The following MYO15B variants were observed in gnomAD, a reference collection of about 807,000 sequenced individuals.
The protein encoded by MYO15B is myosin XVB, also known as myosin XVB pseudogene.
Under a neutral mutation model 119.3 loss-of-function variants are expected in MYO15B, and 207 were observed. The ratio of observed to expected loss-of-function variants is 1.73; its 90% confidence interval spans 1.55 to 1.95. The LOEUF (loss-of-function observed/expected upper bound fraction) is 1.95, where lower values mean the gene tolerates loss of function less well. MYO15B is among the 30% of genes most tolerant of loss of function. The probability of loss-of-function intolerance (pLI) is 0.00; values close to 1 mark genes in which losing one functional copy is unlikely to be tolerated. For synonymous variants in MYO15B, 966 were observed against 498.9 expected (o/e 1.94, Z -12.48); for missense variants, 2,264 against 1,203.1 (o/e 1.88, Z -13.04).
At chr17:75,617,830 G>T (rs750184841) in exon 42 of MYO15B, 2 of 702,832 alleles carry the variant, frequency 2.8e-6, no homozygotes, top group Admixed American at 2.0e-5. Context: ...GCCCGTGGAG[G>T]ACCAGGGGGT....
intron 19 of MYO15B, among the ~76,000 whole-genome samples, chr17:75,605,026 A>G (rs374307496): frequency 6.6e-6 from 1 of 152,032 alleles, no homozygotes; most frequent in East Asian, 1.9e-4. Context: ...AATCCCAGCT[A>G]CTCGGGAGGC....
Position 75,613,719 on chromosome 17 carries a change from G to T in MYO15B, c.5161G>T (p.Ala1721Ser), listed in dbSNP as rs1302318425. ...TGCCCCTGCAGAGGAGTGCTACTCGGCCGAGGTGGAGTCTTGGACCACCGG... is the reference window on the plus strand; with the variant it reads ...TGCCCCTGCAGAGGAGTGCTACTCGTCCGAGGTGGAGTCTTGGACCACCGG... Residue 1721 changes from alanine (A) to serine (S), a missense_variant, in exon 29 of 64, where the codon GCC (alanine) becomes TCC (serine). Physicochemically the swap from Ala to Ser is moderately conservative, Grantham distance 99 (BLOSUM62 1). Coordinates refer to ENST00000645453, the Ensembl canonical transcript of MYO15B. 5 of 702,316 alleles carry T rather than the reference G, an allele frequency of 7.1e-6. No individual in the cohort carries two copies. In the African/African-American group the frequency reaches 8.7e-5, roughly 12 times the overall value. The allele number at this position is 702,316 out of a possible 1,614,324, so 43.5% of individuals were successfully genotyped here. A position where few individuals can be genotyped will look rare whatever the true frequency, so the allele number is the denominator to read the frequency against.
chr17:75,602,837 G>T, exon 17 of MYO15B: 1 of 627,962 alleles, frequency 1.6e-6, no homozygotes, highest in South Asian at 1.8e-5. Flanking sequence ...CAGCTGGTGG[G>T]CAGCCTGTTC....
chr17:75,618,615 C>T (rs1336326131), intron 43 of MYO15B, among the ~76,000 whole-genome samples: 1 of 152,236 alleles, frequency 6.6e-6, no homozygotes, highest in Non-Finnish European at 1.5e-5. Context: ...TGCCACTGCA[C>T]TCCCGCCTGG....
intron 53 of MYO15B, 42 bp from the exon 54 acceptor site, chr17:75,623,739 C>G (rs574093568): frequency 2.8e-6 from 2 of 701,794 alleles, no homozygotes; most frequent in Non-Finnish European, 5.2e-6. Context: ...CCAGGCTCAC[C>G]GCTGCCATCC....
At position 75,614,179 on chromosome 17, in the gene MYO15B, A is replaced by C. The variant is rs1047304626; in HGVS notation, c.5220-20A>C. Reference sequence around the variant, plus strand: ...TTCTGGATGGCCGCCTGCCTCACTGACTGGTCCCCTCCCACCCAGAGGCCT... The same window carrying C: ...TTCTGGATGGCCGCCTGCCTCACTGCCTGGTCCCCTCCCACCCAGAGGCCT... On this transcript the variant is annotated intron_variant, in intron 29 of 63. Coordinates refer to ENST00000645453, the Ensembl canonical transcript of MYO15B. The C allele has an allele frequency of 8.6e-6, 6 of 699,426 alleles. No individual in the cohort carries two copies. In the Admixed American group the frequency reaches 1.2e-4, roughly 14 times the overall value. The allele number at this position is 699,426 out of a possible 1,614,324, so 43.3% of individuals were successfully genotyped here.
chr17:75,624,794 C>T (rs2058927869), exon 59 of MYO15B: 3 of 702,972 alleles, frequency 4.3e-6, no homozygotes, highest in African/African-American at 3.5e-5. Flanking sequence ...GCCCCTGCAG[C>T]CCGCCGAATA....
At chr17:75,618,133 A>C (rs893818380) in exon 43 of MYO15B, 4 of 703,058 alleles carry the variant, frequency 5.7e-6, no homozygotes, top group African/African-American at 5.2e-5. Flanking sequence ...CAGGTGTTCT[A>C]CCCACGGGAG....
At position 75,601,419 on chromosome 17, in the gene MYO15B, C is replaced by A. The variant is rs948240903; in HGVS notation, c.3526-19C>A. 1.4e-6 allele frequency: 1 copy of A among 702,520 alleles called. No individual in the cohort carries two copies. Among genetic ancestry groups the A allele is most frequent in the African/African-American group, 1.7e-5 (1 of 57,264 alleles). The allele number at this position is 702,520 out of a possible 1,614,324, so 43.5% of individuals were successfully genotyped here. ...AGCCTGTGCAGAGGCGTGAAGGGAG[C>A]TCATGGCTCCTCTCCTAGGCCACGG... On this transcript the variant is annotated intron_variant, in intron 14 of 63. Coordinates refer to ENST00000645453, the Ensembl canonical transcript of MYO15B.
chr17:75,616,228 C>T, intron 37 of MYO15B, 81 bp downstream of exon 37: 1 of 587,290 alleles, frequency 1.7e-6, no homozygotes, highest in Non-Finnish European at 3.0e-6. Flanking sequence ...GGGGTGTGCT[C>T]TGCTCCCCGG....
At chr17:75,601,198 C>T (rs528295793) in intron 14 of MYO15B, among the ~76,000 whole-genome samples, 1 of 151,922 alleles carries the variant, frequency 6.6e-6, no homozygotes, top group Non-Finnish European at 1.5e-5. Flanking sequence ...CCACCGCGCC[C>T]AGCCCAATTT....
At chr17:75,625,734 G>A in intron 61 of MYO15B, 74 bp downstream of exon 61, 1 of 701,174 alleles carries the variant, frequency 1.4e-6, no homozygotes, top group South Asian at 1.5e-5. Flanking sequence ...AGAGGGGCGA[G>A]GAGGGGTCTG....
chr17:75,598,909 T>A (rs1330519663), intron 14 of MYO15B, among the ~76,000 whole-genome samples: 1 of 152,158 alleles, frequency 6.6e-6, no homozygotes, highest in Admixed American at 6.5e-5. Context: ...ACATGTACCA[T>A]TTTCTGAGTC....
chr17:75,607,049 G>A (rs2057702334), intron 21 of MYO15B: 1 of 398,222 alleles, frequency 2.5e-6, no homozygotes, highest in Non-Finnish European at 4.4e-6. Context: ...CAGGCTGGTT[G>A]GGAAGTCAGA....
intron 14 of MYO15B, among the ~76,000 whole-genome samples, chr17:75,598,617 A>G (rs146852660): frequency 2.0e-5 from 3 of 152,262 alleles, no homozygotes; most frequent in Admixed American, 2.0e-4. Context: ...TCACTGTCAT[A>G]TTAATGCAAT....
rs1568246033 is a variant in MYO15B at position 75,626,306 on chromosome 17, C to G, written c.9213+78C>G. 4.3e-6 allele frequency: 3 copies of G among 697,550 alleles called. No homozygotes were observed. The East Asian group carries it at 8.1e-5, about 19-fold the overall frequency. The allele number at this position is 697,550 out of a possible 1,614,324, so 43.2% of individuals were successfully genotyped here. ...CCCAGCATGGCGTGCAGTGGGAGCC[C>G]AGGCCCAGGCCGATGCCCACTGCTC... On this transcript the variant is annotated intron_variant, in intron 63 of 63. Transcript: ENST00000645453.
intron 19 of MYO15B, among the ~76,000 whole-genome samples, chr17:75,604,261 C>G (rs1175600804): frequency 6.6e-6 from 1 of 152,162 alleles, no homozygotes; most frequent in Non-Finnish European, 1.5e-5. Context: ...AGGTACAACT[C>G]TCCACCCAGC....
chr17:75,597,234 C>T (rs1217215405), intron 14 of MYO15B, among the ~76,000 whole-genome samples: 1 of 152,230 alleles, frequency 6.6e-6, no homozygotes, highest in Non-Finnish European at 1.5e-5. Context: ...TTCTGCAGGT[C>T]CCTCACAATT....
chr17:75,606,080 C>T lies in MYO15B; in HGVS notation c.4292+59C>T, dbSNP rs139429292. The T allele has an allele frequency of 4.1e-4, 255 of 624,226 alleles. 2 individuals carry two copies. The African/African-American group carries it at 4.3e-3, about 11-fold the overall frequency. 38.7% of individuals were successfully genotyped at this position (624,226 alleles called of 1,614,324 possible). ...TGGGGTGAGGCCGTGGGTTCGTCCT[C>T]CAGGTGGTGGGGCAGGGTTGGGGAA... On this transcript the variant is annotated intron_variant, in intron 21 of 63. Transcript: ENST00000645453.
Sources: gnomAD v4.1 joint callset for allele counts (sites outside exome capture counted in the v4.1 genomes callset) on GRCh38, gnomAD v4.1.1 for gene constraint, MANE v1.5 for transcripts, NCBI Gene and HGNC (gene_info 2026-07-23, HGNC 2026-07-21) for gene names.